Variants in CFAP53 observed in about 807,000 individuals in gnomAD.
The protein encoded by CFAP53 is cilia- and flagella-associated protein 53.
CFAP53 carries 62 observed loss-of-function variants against 59.7 expected under a neutral mutation model. The ratio of observed to expected loss-of-function variants is 1.04; its 90% CI spans 0.85 to 1.28. The LOEUF is 1.28. CFAP53 is among the 50% of genes most tolerant of loss of function. The pLI, the probability that CFAP53 is intolerant of heterozygous loss-of-function variation, is 0.00. For synonymous variants in CFAP53, 218 were observed against 205.7 expected, an observed-to-expected ratio of 1.06 and a Z score of -0.51; for missense variants, 629 against 615.6, an observed-to-expected ratio of 1.02 and a Z score of -0.23.
chr18:50,236,561 C>G (rs985622434), intron 7 of CFAP53, among the ~76,000 whole-genome samples: 2 of 152,138 alleles, frequency 1.3e-5, no homozygotes, highest in Non-Finnish European at 2.9e-5. Flanking sequence ...GCTATTGGAA[C>G]TCTCCCTCTC....
At chr18:50,246,010 C>T (rs563255732) in intron 5 of CFAP53, among the ~76,000 whole-genome samples, 1 of 152,324 alleles carries the variant, frequency 6.6e-6, no homozygotes, top group East Asian at 1.9e-4. Context: ...CTGCCTCAGC[C>T]TCCCAAGTAG....
intron 7 of CFAP53, among the ~76,000 whole-genome samples, chr18:50,232,608 T>G (rs980981901): frequency 7.2e-5 from 11 of 152,202 alleles, no homozygotes; most frequent in Non-Finnish European, 7.3e-5. Context: ...AAGACTGCCC[T>G]GATGATCAAA....
chr18:50,237,871 T>C (rs1449279737), intron 7 of CFAP53, among the ~76,000 whole-genome samples: 1 of 152,158 alleles, frequency 6.6e-6, no homozygotes, highest in African/African-American at 2.4e-5. Context: ...CACGTCCTCC[T>C]AGGGACATTT....
intron 5 of CFAP53, among the ~76,000 whole-genome samples, chr18:50,244,760 T>TA (rs893556744): frequency 6.6e-6 from 1 of 151,974 alleles, no homozygotes; most frequent in Non-Finnish European, 1.5e-5. Context: ...AATAATCCAC[T>TA]AAAAAACTAT....
At chr18:50,237,304 CAAA>C (rs143356494) in intron 7 of CFAP53, among the ~76,000 whole-genome samples, 37 of 9,306 alleles carry the variant, frequency 4.0e-3, no homozygotes, top group African/African-American at 7.6e-3. Context: ...GACTCCATCT[CAAA>C]AAAAAAAAAA....
chr18:50,232,890 C>G (rs2033596135), intron 7 of CFAP53, among the ~76,000 whole-genome samples: 1 of 152,176 alleles, frequency 6.6e-6, no homozygotes, highest in Non-Finnish European at 1.5e-5. Context: ...TTCTTTTTCT[C>G]TTTTTCTGTT....
At position 50,250,874 on chromosome 18, in the gene CFAP53, C is replaced by T. The variant is rs35193847; in HGVS notation, c.880G>A (p.Glu294Lys). ...TRTILQKALQERIEHIQQEYR... is the reference protein window; with the variant it reads ...TRTILQKALQKRIEHIQQEYR... The stretch of plus-strand genomic sequence containing the variant: ...TCCTGCTGAATATGTTCTATCCTCT[C>T]TTGTAGGGCTTTTTGCAAAATGGTC... Residue 294 changes from glutamate to lysine, a missense_variant, in exon 5 of 8, where the codon GAG (glutamate) becomes AAG (lysine). Glu to Lys is a moderately conservative substitution (Grantham distance 56). Coordinates refer to ENST00000398545, the MANE Select transcript of CFAP53 (RefSeq NM_145020.5). The T allele has an allele frequency of 0.35, 561,431 of 1,613,874 alleles. 104,227 individuals carry two copies. The highest frequency in any genetic ancestry group is 0.39 in the Non-Finnish European group (455,279 of 1,179,850).
chr18:50,248,526 G>A (rs1375982034), intron 5 of CFAP53, among the ~76,000 whole-genome samples: 2 of 152,194 alleles, frequency 1.3e-5, no homozygotes, highest in Non-Finnish European at 2.9e-5. Flanking sequence ...GCTCATGCCT[G>A]TAATCCAAGC....
chr18:50,246,165 C>T (rs2033742153), intron 5 of CFAP53, among the ~76,000 whole-genome samples: 1 of 152,224 alleles, frequency 6.6e-6, no homozygotes, highest in African/African-American at 2.4e-5. Context: ...GCTGGGATTA[C>T]AGGCGTGAGC....
At chr18:50,251,453 C>A (rs1277915428) in intron 4 of CFAP53, 28 bp downstream of exon 4, 1 of 1,591,818 alleles carries the variant, frequency 6.3e-7, no homozygotes, top group Admixed American at 1.7e-5. Flanking sequence ...GCGTTGATCA[C>A]CCTCTAACAA....
At chr18:50,243,504 C>T (rs1404682196) in intron 5 of CFAP53, among the ~76,000 whole-genome samples, 1 of 152,208 alleles carries the variant, frequency 6.6e-6, no homozygotes, top group Non-Finnish European at 1.5e-5. Flanking sequence ...TTTTCATTTA[C>T]TTTAATTTAG....
chr18:50,230,310 G>A (rs1196501128), intron 7 of CFAP53, among the ~76,000 whole-genome samples: 2 of 152,154 alleles, frequency 1.3e-5, no homozygotes, highest in East Asian at 3.9e-4. Flanking sequence ...AGTGATGAGG[G>A]GGTTAGGACT....
intron 1 of CFAP53, among the ~76,000 whole-genome samples, chr18:50,264,392 C>A (rs189094142): frequency 2.0e-4 from 30 of 152,298 alleles, no homozygotes; most frequent in Non-Finnish European, 4.0e-4. Flanking sequence ...GGCCTCTGTC[C>A]ATTACTAATT....
At chr18:50,260,346 C>T (rs2033879324) in intron 3 of CFAP53, among the ~76,000 whole-genome samples, 1 of 151,950 alleles carries the variant, frequency 6.6e-6, no homozygotes, top group Admixed American at 6.6e-5. Context: ...GAATACCAGG[C>T]AAGGAAACAG....
At chr18:50,248,863 T>C (rs1005704286) in intron 5 of CFAP53, among the ~76,000 whole-genome samples, 2 of 150,652 alleles carry the variant, frequency 1.3e-5, no homozygotes, top group Non-Finnish European at 3.0e-5. Flanking sequence ...TTACTCATAA[T>C]AGCCATAACC....
intron 1 of CFAP53, among the ~76,000 whole-genome samples, chr18:50,262,942 AC>A (rs1209348797): frequency 6.6e-6 from 1 of 152,202 alleles, no homozygotes; most frequent in African/African-American, 2.4e-5. Flanking sequence ...CTTTTGGGCT[AC>A]TTTGAATTTC....
chr18:50,227,517 C>A lies in CFAP53; in HGVS notation c.1409G>T (p.Arg470Leu), dbSNP rs147186159. 2.5e-5 allele frequency: 41 copies of A among 1,614,188 alleles called. No homozygotes were observed. The African/African-American group carries it at 4.3e-4, about 17-fold the overall frequency. ...QSQEAEKEEK[R>L]REFEAGVAAN... Reference sequence around the variant, plus strand: ...TGCTACACCTGCTTCAAACTCTCGGCGTTTCTCTTCCTTCTCTGCTTCTTG... The same window carrying A: ...TGCTACACCTGCTTCAAACTCTCGGAGTTTCTCTTCCTTCTCTGCTTCTTG... The change falls in exon 8 of 8, where the codon CGC becomes CTC. Residue 470 changes from arginine (R) to leucine (L), a missense_variant. Transcript: ENST00000398545.
At chr18:50,256,588 T>A (rs2033848552) in intron 3 of CFAP53, 1 of 152,140 alleles carries the variant, frequency 6.6e-6, no homozygotes, top group Admixed American at 6.5e-5. Flanking sequence ...GAATTTACTT[T>A]TAGCAGCTGC....
intron 7 of CFAP53, among the ~76,000 whole-genome samples, chr18:50,228,083 C>T (rs992536073): frequency 6.6e-6 from 1 of 150,954 alleles, no homozygotes; most frequent in Non-Finnish European, 1.5e-5. Flanking sequence ...CTCAGCCACC[C>T]AAGCAGCTGG....
Sources: gnomAD v4.1 joint callset for allele counts (sites outside exome capture counted in the v4.1 genomes callset) on GRCh38, gnomAD v4.1.1 for gene constraint, MANE v1.5 for transcripts, NCBI Gene and HGNC (gene_info 2026-07-23, HGNC 2026-07-21) for gene names.